PACRGL: variants seen among roughly 807,000 people sequenced by gnomAD.
PACRGL encodes the protein parkin coregulated like.
In PACRGL, 38 loss-of-function variants were observed where a neutral mutation model predicts 34.5. The observed-to-expected ratio is 1.10, with a 90% CI of 0.85 to 1.44. PACRGL has a LOEUF of 1.44. Among genes scored for constraint, PACRGL ranks in the 40% most tolerant of loss-of-function variants. The pLI, the probability that PACRGL is intolerant of heterozygous loss-of-function variation, is 0.00. For synonymous variants in PACRGL, 128 were observed against 100.1 expected, an observed-to-expected ratio of 1.28 and a Z score of -1.66; for missense variants, 305 against 281.4, an observed-to-expected ratio of 1.08 and a Z score of -0.60.
chr4:20,701,682 A>T, intron 1 of PACRGL: 1 of 333,962 alleles, frequency 3.0e-6, no homozygotes, highest in South Asian at 2.4e-5. Flanking sequence ...ATATTATTTT[A>T]AAAAATTGAC....
intron 8 of PACRGL, among the ~76,000 whole-genome samples, chr4:20,745,736 T>C (rs1343587144): frequency 6.6e-6 from 1 of 152,216 alleles, no homozygotes; most frequent in African/African-American, 2.4e-5. Context: ...TTGTGGATTC[T>C]GTTCATCTGC....
intron 8 of PACRGL, among the ~76,000 whole-genome samples, chr4:20,744,139 A>G (rs1195500821): frequency 2.0e-5 from 3 of 151,576 alleles, no homozygotes; most frequent in Non-Finnish European, 4.4e-5. Flanking sequence ...ATGTGGAGAA[A>G]TAGGAACACT....
At chr4:20,755,639 C>T (rs1156880564), downstream of PACRGL, among the ~76,000 whole-genome samples, 1 of 151,718 alleles carries the variant, frequency 6.6e-6, no homozygotes, top group Non-Finnish European at 1.5e-5. Flanking sequence ...TCTCGAGTGC[C>T]GAAAAGAGAC....
intron 7 of PACRGL, among the ~76,000 whole-genome samples, chr4:20,723,339 T>C (rs1342939228): frequency 6.6e-6 from 1 of 152,184 alleles, no homozygotes; most frequent in Non-Finnish European, 1.5e-5. Flanking sequence ...TTGTGCCAGG[T>C]ATGCCAAGCA....
At chr4:20,703,183 G>T (rs560125966) in intron 1 of PACRGL, among the ~76,000 whole-genome samples, 7 of 152,260 alleles carry the variant, frequency 4.6e-5, no homozygotes, top group Admixed American at 4.6e-4. Context: ...TCAAATATTT[G>T]AAAAAGTGTC....
intron 5 of PACRGL, 65 bp from the exon 6 acceptor site, chr4:20,712,723 C>T (rs914091948): frequency 7.6e-6 from 10 of 1,309,502 alleles, no homozygotes; most frequent in Non-Finnish European, 9.9e-6. Context: ...AGTAAAGACT[C>T]AATTTTTCTG....
Position 20,731,241 on chromosome 4 carries a change from A to AT in PACRGL, c.*3909dup, listed in dbSNP as rs1015903396. On this transcript the variant is annotated 3_prime_UTR_variant, in exon 9 of 9. Transcript: ENST00000503585. ...CGTGCCACCGTGCCCAGCTAACTTA[A>AT]TTTTTTTTTGTAGAGATAGATAGGG... 370 of 284,928 alleles carry AT rather than the reference A, an allele frequency of 1.3e-3. No homozygotes were observed. The highest frequency in any genetic ancestry group is 1.7e-3 in the Non-Finnish European group (328 of 190,144). 17.6% of individuals were successfully genotyped at this position (284,928 alleles called of 1,614,324 possible). A position where few individuals can be genotyped will look rare whatever the true frequency, so the allele number is the denominator to read the frequency against.
the PACRGL span, chr4:20,758,874 A>C: frequency 1.2e-6 from 2 of 1,613,312 alleles, no homozygotes; most frequent in Non-Finnish European, 1.7e-6. Context: ...TTCATTAACA[A>C]CACCACTGGG....
intron 3 of PACRGL, among the ~76,000 whole-genome samples, chr4:20,706,153 A>T (rs960362643): frequency 1.3e-5 from 2 of 152,072 alleles, no homozygotes; most frequent in Admixed American, 1.3e-4. Context: ...GTTAAAATCG[A>T]TAAAAGTAAT....
intron 8 of PACRGL, among the ~76,000 whole-genome samples, chr4:20,738,282 G>A (rs61428210): frequency 0.52 from 78,844 of 152,020 alleles, 21,161 homozygotes; most frequent in African/African-American, 0.63. Context: ...AAAATTCACA[G>A]CGTAGTAATA....
chr4:20,696,467 A>T (rs558403020), upstream of PACRGL: 1 of 152,316 alleles, frequency 6.6e-6, no homozygotes, highest in East Asian at 1.9e-4. Context: ...CAGATGCCAC[A>T]CTCCTCCAAG....
rs550119367 is a variant in PACRGL, at chr4:20,721,801, G to A, written c.610-3007G>A. Among the ~76,000 whole-genome samples, 10 of 152,318 alleles carry A rather than the reference G, an allele frequency of 6.6e-5. No homozygotes were observed. The South Asian group carries it at 1.2e-3, about 19-fold the overall frequency. On this transcript the variant is annotated intron_variant, in intron 7 of 8. Coordinates refer to ENST00000503585, the MANE Select transcript of PACRGL (RefSeq NM_001258345.3). ...ACCCACTTGAGGAGGCAGTCTGTCC[G>A]TTCTCAGATCTCAAACTCCGTGCTG...
At chr4:20,739,367 C>T (rs538581882) in intron 8 of PACRGL, among the ~76,000 whole-genome samples, 3 of 152,236 alleles carry the variant, frequency 2.0e-5, no homozygotes, top group Admixed American at 6.5e-5. Flanking sequence ...AGCCAGGTGC[C>T]CCTCTAAGAC....
chr4:20,739,325 C>T (rs376487960), intron 8 of PACRGL, among the ~76,000 whole-genome samples: 1 of 152,174 alleles, frequency 6.6e-6, no homozygotes, highest in Non-Finnish European at 1.5e-5. Context: ...CTGGGAAACA[C>T]CTCCTAGTAG....
intron 8 of PACRGL, among the ~76,000 whole-genome samples, chr4:20,748,603 T>TC (rs1313628270): frequency 1.8e-5 from 2 of 112,298 alleles, no homozygotes; most frequent in African/African-American, 6.1e-5. Context: ...TATATATATA[T>TC]ATTCCATAAG....
At chr4:20,714,900 T>C (rs1739096751) in intron 7 of PACRGL, among the ~76,000 whole-genome samples, 1 of 152,110 alleles carries the variant, frequency 6.6e-6, no homozygotes, top group South Asian at 2.1e-4. Flanking sequence ...GAAATACCAT[T>C]TGACCCAGCC....
Position 20,712,801 on chromosome 4 carries a change from C to A in PACRGL, c.380C>A (p.Thr127Asn). 6.4e-7 allele frequency: 1 copy of A among 1,573,560 alleles called. No homozygotes were observed. The highest frequency in any genetic ancestry group is 1.8e-5 in the Admixed American group (1 of 57,110). The change falls in exon 6 of 9, where the codon ACT (threonine) becomes AAT (asparagine). Residue 127 changes from threonine (T) to asparagine (N), a missense_variant. Transcript: ENST00000503585. ...GGTCTTTGTCAGGGTCTGAGAGAGA[C>A]TAAGCATCCATACACTTTTGTGTCA... ...LITLAEGLRETKHPYTFVSKE... is the reference protein window; with the variant it reads ...LITLAEGLRENKHPYTFVSKE...
chr4:20,764,856 T>TATCA, the PACRGL span, among the ~76,000 whole-genome samples: 2 of 152,324 alleles, frequency 1.3e-5, no homozygotes, highest in Admixed American at 1.3e-4. Flanking sequence ...GTCGCTGTGA[T>TATCA]GGCACTCAGC....
intron 8 of PACRGL, among the ~76,000 whole-genome samples, chr4:20,739,450 CAG>C (rs1188244919): frequency 1.3e-5 from 2 of 152,180 alleles, no homozygotes; most frequent in East Asian, 1.9e-4. Flanking sequence ...ACCAGGCAAA[CAG>C]GGTCTGGAGT....
Sources: allele counts gnomAD v4.1 joint callset (sites outside exome capture counted in the v4.1 genomes callset), GRCh38; gene constraint gnomAD v4.1.1; transcripts MANE v1.5; gene names NCBI Gene and HGNC (gene_info 2026-07-23, HGNC 2026-07-21).